Variants in NRXN3 observed in about 807,000 individuals in gnomAD.
The protein encoded by NRXN3 is neurexin 3, also known as neurexin III.
In NRXN3, 32 loss-of-function variants were observed where a neutral mutation model predicts 137.6. That is an observed-to-expected ratio of 0.23 (90% confidence interval 0.18 to 0.31). The LOEUF (loss-of-function observed/expected upper bound fraction) is 0.31, where lower values mean the gene tolerates loss of function less well. NRXN3 is among the 10% of genes least tolerant of loss of function. The pLI is 1.00. For synonymous variants in NRXN3, 798 were observed against 784.5 expected, an observed-to-expected ratio of 1.02 and a Z score of -0.29; for missense variants, 1,574 against 2,062.5, an observed-to-expected ratio of 0.76 and a Z score of 4.59.
chr14:78,708,074 G>T (rs970739805), intron 6 of NRXN3, among the ~76,000 whole-genome samples: 2 of 152,166 alleles, frequency 1.3e-5, no homozygotes, highest in African/African-American at 4.8e-5. Context: ...CCAGTAGTGG[G>T]ATTGCTGGAT....
At chr14:78,285,715 C>G (rs999018928) in intron 3 of NRXN3, among the ~76,000 whole-genome samples, 3 of 152,206 alleles carry the variant, frequency 2.0e-5, no homozygotes. Flanking sequence ...TATCCCACAT[C>G]CTGCTGAAAG....
At chr14:79,495,609 G>A (rs187377911) in intron 16 of NRXN3, among the ~76,000 whole-genome samples, 15 of 152,166 alleles carry the variant, frequency 9.9e-5, no homozygotes, top group Admixed American at 9.8e-4. Flanking sequence ...GTTCTTCTAA[G>A]CATTTTACAT....
intron 15 of NRXN3, among the ~76,000 whole-genome samples, chr14:79,103,709 A>G (rs1466294290): frequency 6.6e-6 from 1 of 152,200 alleles, no homozygotes; most frequent in African/African-American, 2.4e-5. Flanking sequence ...CGTTCTTAAC[A>G]TGACTTTGAG....
chr14:79,280,055 TA>T (rs1454813414), intron 15 of NRXN3: 2 of 1,341,436 alleles, frequency 1.5e-6, no homozygotes, highest in African/African-American at 3.0e-5. Context: ...CCTGGCATTC[TA>T]AATTTCAGCT....
chr14:79,299,625 A>G (rs149297291), intron 15 of NRXN3, among the ~76,000 whole-genome samples: 67 of 152,222 alleles, frequency 4.4e-4, no homozygotes, highest in African/African-American at 1.5e-3. Flanking sequence ...GTGATTAAAC[A>G]TTTTTACATA....
chr14:79,024,074 A>C (rs2099594237), intron 15 of NRXN3, among the ~76,000 whole-genome samples: 1 of 152,120 alleles, frequency 6.6e-6, no homozygotes, highest in Non-Finnish European at 1.5e-5. Context: ...AAACGAGCTG[A>C]AGTAGGTGAA....
chr14:78,959,857 A>T lies in NRXN3; in HGVS notation c.2395+2496A>T, dbSNP rs554613797. Among the ~76,000 whole-genome samples the T allele has an allele frequency of 3.3e-5, 5 of 152,214 alleles. No individual in the cohort carries two copies. In the South Asian group the frequency reaches 8.3e-4, roughly 25 times the overall value. ...TTGTCTCTGAAGGGTGATGGGATTCACAGCCGCTTCTGAAAAGCAGCCACT... is the reference window on the plus strand; with the variant it reads ...TTGTCTCTGAAGGGTGATGGGATTCTCAGCCGCTTCTGAAAAGCAGCCACT... On this transcript the variant is annotated intron_variant, in intron 11 of 20. Transcript: ENST00000335750.
chr14:78,269,014 G>A (rs1048679878), intron 2 of NRXN3, among the ~76,000 whole-genome samples: 1 of 152,150 alleles, frequency 6.6e-6, no homozygotes, highest in South Asian at 2.1e-4. Context: ...GTGAATAAAC[G>A]AATGATATAG....
chr14:79,531,591 A>G (rs768313343), intron 16 of NRXN3, among the ~76,000 whole-genome samples: 3 of 152,208 alleles, frequency 2.0e-5, no homozygotes, highest in Non-Finnish European at 4.4e-5. Flanking sequence ...GCAAATACCA[A>G]TAAGGTCAGA....
chr14:78,398,359 GTTA>G (rs2091721344), intron 4 of NRXN3, among the ~76,000 whole-genome samples: 1 of 151,940 alleles, frequency 6.6e-6, no homozygotes, highest in Non-Finnish European at 1.5e-5. Context: ...GGACACTTTG[GTTA>G]TTATTTTGAG....
intron 15 of NRXN3, among the ~76,000 whole-genome samples, chr14:79,237,668 T>G (rs2073627454): frequency 6.6e-6 from 1 of 152,126 alleles, no homozygotes; most frequent in Non-Finnish European, 1.5e-5. Flanking sequence ...GGTCCATGTG[T>G]TAAGAGATGG....
intron 10 of NRXN3, among the ~76,000 whole-genome samples, chr14:78,920,633 T>A (rs1464553723): frequency 6.6e-6 from 1 of 152,162 alleles, no homozygotes. Flanking sequence ...CACCAGACAC[T>A]GTACATGGAG....
intron 4 of NRXN3, among the ~76,000 whole-genome samples, chr14:78,454,948 T>C (rs1260610911): frequency 2.0e-5 from 3 of 152,144 alleles, no homozygotes; most frequent in Non-Finnish European, 4.4e-5. Flanking sequence ...CATAGGCTTG[T>C]TTGTGTTGTC....
chr14:79,309,037 T>C (rs1285884091), intron 15 of NRXN3, among the ~76,000 whole-genome samples: 2 of 111,938 alleles, frequency 1.8e-5, no homozygotes, highest in Admixed American at 1.9e-4. Context: ...CCCACTAACG[T>C]GTCATCTAGC....
At chr14:78,447,180 C>T (rs867688509) in intron 4 of NRXN3, among the ~76,000 whole-genome samples, 12 of 152,320 alleles carry the variant, frequency 7.9e-5, no homozygotes, top group Middle Eastern at 3.4e-3. Context: ...CTGTCTGTTG[C>T]AGTGTTCCCA....
At chr14:78,391,571 T>C (rs569960974) in intron 4 of NRXN3, among the ~76,000 whole-genome samples, 2 of 152,206 alleles carry the variant, frequency 1.3e-5, no homozygotes, top group South Asian at 4.2e-4. Flanking sequence ...GCCTTCTCTT[T>C]GTGTGGTCTG....
At chr14:78,982,873 T>C (rs974074855) in intron 14 of NRXN3, among the ~76,000 whole-genome samples, 5 of 152,106 alleles carry the variant, frequency 3.3e-5, no homozygotes, top group African/African-American at 1.2e-4. Context: ...AGAAAATATT[T>C]GTGAAGTGTA....
intron 16 of NRXN3, among the ~76,000 whole-genome samples, chr14:79,625,247 T>C (rs2098270227): frequency 1.3e-5 from 2 of 152,222 alleles, no homozygotes; most frequent in South Asian, 2.1e-4. Flanking sequence ...AATGTCTTTA[T>C]TCCTTTAGCA....
At chr14:79,510,327 C>T (rs2096920630) in intron 16 of NRXN3, among the ~76,000 whole-genome samples, 1 of 152,164 alleles carries the variant, frequency 6.6e-6, no homozygotes. Context: ...TCAGCACTCA[C>T]ATTTAGGAAT....
Sources: allele counts gnomAD v4.1 joint callset (sites outside exome capture counted in the v4.1 genomes callset), GRCh38; gene constraint gnomAD v4.1.1; transcripts MANE v1.5; gene names NCBI Gene and HGNC (gene_info 2026-07-23, HGNC 2026-07-21).